MMS19: variants seen among roughly 807,000 people sequenced by gnomAD.
The protein encoded by MMS19 is MMS19 nucleotide excision repair protein homolog.
Under a neutral mutation model 129.8 loss-of-function variants are expected in MMS19, and 77 were observed. The ratio of observed to expected loss-of-function variants is 0.59; its 90% confidence interval spans 0.49 to 0.72. The LOEUF (loss-of-function observed/expected upper bound fraction) is 0.72. Ranked by LOEUF, MMS19 falls within the 30% of genes least tolerant of loss-of-function variation. The pLI is 0.00. For missense variants in MMS19, 1,168 were observed against 1,266.3 expected, an observed-to-expected ratio of 0.92 and a Z score of 1.18; for synonymous variants, 491 against 502.8, an observed-to-expected ratio of 0.98 and a Z score of 0.31.
At chr10:97,462,438 T>C (rs1413544976) in intron 20 of MMS19, 145 bp downstream of exon 20, 2 of 670,138 alleles carry the variant, frequency 3.0e-6, no homozygotes, top group Admixed American at 5.1e-5. Context: ...TTCCTTTTGT[T>C]TTGTCAACAA....
rs529472035 is a variant in MMS19 at position 97,465,856 on chromosome 10, C to T, written c.1705G>A (p.Val569Ile). 1.2e-4 allele frequency: 201 copies of T among 1,613,886 alleles called. No individual in the cohort carries two copies. The highest frequency in any genetic ancestry group is 1.4e-4 in the Non-Finnish European group (170 of 1,179,880). ...AGCAGCAGAGGCAGTGTCTCCTTGACGATGCTGGGATGTGTTGATACAGCT... is the reference window on the plus strand; with the variant it reads ...AGCAGCAGAGGCAGTGTCTCCTTGATGATGCTGGGATGTGTTGATACAGCT... ...LSAVSTHPSI[V>I]KETLPLLLQH... The change falls in exon 18 of 31, where the codon GTC (valine) becomes ATC (isoleucine). Residue 569 changes from valine to isoleucine, a missense_variant. Around this residue, in one of 3 missense-constraint regions of MMS19, gnomAD observed 831 missense variants for 910.8 expected, o/e 0.91. Coordinates refer to ENST00000438925, the MANE Select transcript of MMS19 (RefSeq NM_022362.5).
rs1187260385 is a variant in MMS19, at chr10:97,478,331, T to C, written c.321A>G (p.Pro107=). ...NRLKDHHLVI[P]SVLQGLKALS... ...GTGCCTTCAAACCCTGCAGGACAGA[T>C]GGGATCACAAGATGATGGTCCTTCA... Residue 107 remains proline (P), a synonymous_variant, in exon 4 of 31, where the codon CCA becomes CCG. Transcript: ENST00000438925. The C allele has an allele frequency of 6.2e-7, 1 of 1,604,086 alleles. No individual in the cohort carries two copies.
intron 1 of MMS19, among the ~76,000 whole-genome samples, chr10:97,493,333 A>G (rs1308646139): frequency 6.6e-6 from 1 of 152,180 alleles, no homozygotes; most frequent in Non-Finnish European, 1.5e-5. Flanking sequence ...TAAAACAATC[A>G]CAGTAGGCTG....
At chr10:97,461,279 A>G in intron 23 of MMS19, 1 of 628,218 alleles carries the variant, frequency 1.6e-6, no homozygotes, top group Non-Finnish European at 2.7e-6. Flanking sequence ...GCAGAACTAG[A>G]CTCTTTGTGC....
intron 1 of MMS19, among the ~76,000 whole-genome samples, chr10:97,496,122 A>G (rs1472548874): frequency 2.0e-5 from 3 of 152,232 alleles, no homozygotes; most frequent in Admixed American, 2.0e-4. Flanking sequence ...CAACAGGGCT[A>G]GTGTTACAGT....
chr10:97,482,735 TATACACAC>T (rs373297074), intron 2 of MMS19, among the ~76,000 whole-genome samples: 49 of 137,862 alleles, frequency 3.6e-4, no homozygotes, highest in East Asian at 1.4e-3. Context: ...TGTGTATATA[TATACACAC>T]ACACACACAC....
In MMS19 at chr10:97,470,835, C is replaced by A. The variant is rs777071578; in HGVS notation, c.711G>T (p.Gln237His). The A allele has an allele frequency of 6.2e-7, 1 of 1,613,826 alleles. No individual in the cohort carries two copies. Among genetic ancestry groups the A allele is most frequent in the South Asian group, 1.1e-5 (1 of 91,068 alleles). The change falls in exon 9 of 31, where the codon CAG becomes CAT. Residue 237 changes from glutamine to histidine, a missense_variant. Coordinates refer to ENST00000438925, the MANE Select transcript of MMS19 (RefSeq NM_022362.5). ...GAAGACTCAGGATGAGGTCTTCTCT[C>A]TGGATACCATGGGGATCATTAGGTG... ...TPPPNDPHGI[Q>H]REDLILSLRA...
At position 97,484,130 on chromosome 10, in the gene MMS19, G is replaced by GTA; in HGVS notation, c.132_133dup (p.Thr45IlefsTer14). 2 of 1,538,412 alleles carry GTA rather than the reference G, an allele frequency of 1.3e-6. No individual in the cohort carries two copies. The highest frequency in any genetic ancestry group is 1.8e-6 in the Non-Finnish European group (2 of 1,137,142). ...AAGGGCTTCCACAACTTGTAACACT[G>GTA]TATAGTTGCCAGATTTCACATCTGC... On this transcript the variant is annotated frameshift_variant, in exon 2 of 31. Coordinates refer to ENST00000438925, the MANE Select transcript of MMS19 (RefSeq NM_022362.5). LOFTEE classifies it high-confidence loss of function.
intron 1 of MMS19, among the ~76,000 whole-genome samples, chr10:97,489,581 A>G (rs2038524854): frequency 6.6e-6 from 1 of 152,236 alleles, no homozygotes; most frequent in Non-Finnish European, 1.5e-5. Flanking sequence ...ACTATTAACT[A>G]AACTCTAGGC....
chr10:97,467,698 G>T, intron 13 of MMS19, 115 bp from the exon 14 acceptor site: 1 of 923,450 alleles, frequency 1.1e-6, no homozygotes, highest in Non-Finnish European at 1.7e-6. Context: ...GTTTTGCTAT[G>T]CCACAGCCAG....
At chr10:97,468,181 A>G in intron 13 of MMS19, 71 bp downstream of exon 13, 2 of 1,433,590 alleles carry the variant, frequency 1.4e-6, no homozygotes, top group African/African-American at 1.4e-5. Flanking sequence ...GCTAAAACTT[A>G]GCTCACTCTC....
At chr10:97,461,439 T>C in intron 23 of MMS19, 57 bp downstream of exon 23, 1 of 1,581,914 alleles carries the variant, frequency 6.3e-7, no homozygotes, top group Non-Finnish European at 8.6e-7. Flanking sequence ...TACTGAGCTA[T>C]AAGATTTCAT....
At chr10:97,460,423 T>C (rs1180018756) in intron 25 of MMS19, 191 bp from the exon 26 acceptor site, 15 of 627,050 alleles carry the variant, frequency 2.4e-5, no homozygotes, top group Non-Finnish European at 3.6e-5. Context: ...ATACAAACAT[T>C]AGTTGGGTGT....
At chr10:97,498,639 C>G (rs377734396), upstream of MMS19, 228 of 427,512 alleles carry the variant, frequency 5.3e-4, no homozygotes, top group African/African-American at 4.3e-3. Context: ...CCCGGCTCCC[C>G]GGGAGACGGG....
At chr10:97,477,013 G>T (rs933289288) in intron 6 of MMS19, 50 bp from the exon 7 acceptor site, 1 of 1,609,944 alleles carries the variant, frequency 6.2e-7, no homozygotes, top group Non-Finnish European at 8.5e-7. Flanking sequence ...CACAGAAAGT[G>T]TGGGCTTTCT....
Position 97,458,443 on chromosome 10 carries a change from ATGCAAGAGACCC to A in MMS19, c.*237_*248del. On this transcript the variant is annotated 3_prime_UTR_variant, in exon 31 of 31. Transcript: ENST00000438925. Reference sequence around the variant, plus strand: ...ATATCGCCCCTTTTCTGACATATAAATGCAAGAGACCCAGGACCCTAGATCTTTCTTCAAACG... The same window carrying A: ...ATATCGCCCCTTTTCTGACATATAAAAGGACCCTAGATCTTTCTTCAAACG... 2.0e-6 allele frequency: 1 copy of A among 505,600 alleles called. No homozygotes were observed. The highest frequency in any genetic ancestry group is 3.5e-6 in the Non-Finnish European group (1 of 286,488). The allele number at this position is 505,600 out of a possible 1,614,324, so 31.3% of individuals were successfully genotyped here. A position where few individuals can be genotyped will look rare whatever the true frequency, so the allele number is the denominator to read the frequency against.
chr10:97,496,544 A>G (rs1430189675), intron 1 of MMS19, among the ~76,000 whole-genome samples: 2 of 151,732 alleles, frequency 1.3e-5, no homozygotes, highest in Non-Finnish European at 2.9e-5. Flanking sequence ...AAGAATTTGC[A>G]GTCCTTATTC....
At position 97,468,998 on chromosome 10, in the gene MMS19, A is replaced by G; in HGVS notation, c.1031T>C (p.Leu344Pro). ...AATGTTGCTAAGGAAGGAGTCAAGG[A>G]GGTCCTCAGCATCAGCCCTCAGCAC... is the stretch of plus-strand genomic sequence containing the variant. ...RSVLRADAEDLLDSFLSNILQ... is the reference protein window; with the variant it reads ...RSVLRADAEDPLDSFLSNILQ... The change falls in exon 12 of 31, where the codon CTC becomes CCC. Residue 344 changes from leucine (L) to proline (P), a missense_variant. Coordinates refer to ENST00000438925, the MANE Select transcript of MMS19 (RefSeq NM_022362.5). 6.3e-7 allele frequency: 1 copy of G among 1,589,206 alleles called. No homozygotes were observed. Among genetic ancestry groups the G allele is most frequent in the Non-Finnish European group, 8.6e-7 (1 of 1,167,374 alleles).
intron 26 of MMS19, 31 bp downstream of exon 26, chr10:97,460,015 A>C: frequency 6.2e-7 from 1 of 1,606,736 alleles, no homozygotes; most frequent in Middle Eastern, 1.7e-4. Context: ...AGAGATGTGT[A>C]TATGTGGGGA....
Sources: allele counts gnomAD v4.1 joint callset (sites outside exome capture counted in the v4.1 genomes callset), GRCh38; gene constraint gnomAD v4.1.1; regional missense constraint gnomAD v4.1.1; transcripts MANE v1.5; gene names NCBI Gene and HGNC (gene_info 2026-07-23, HGNC 2026-07-21).